CFAP61: variants seen among roughly 807,000 people sequenced by gnomAD.
The protein encoded by CFAP61 is cilia- and flagella-associated protein 61.
In CFAP61, 107 loss-of-function variants were observed where a neutral mutation model predicts 135.6. The ratio of observed to expected loss-of-function variants is 0.79; its 90% confidence interval spans 0.67 to 0.93. The LOEUF is 0.93. Among genes scored for constraint, CFAP61 ranks in the 40% least tolerant of loss-of-function variants. CFAP61 has a pLI of 0.00. For missense variants in CFAP61, 1,507 were observed against 1,556.2 expected (o/e 0.97, Z 0.53); for synonymous variants, 575 against 578.5 (o/e 0.99, Z 0.09).
At chr20:20,123,440 G>A (rs1473695476) in intron 8 of CFAP61, among the ~76,000 whole-genome samples, 3 of 151,730 alleles carry the variant, frequency 2.0e-5, no homozygotes, top group Non-Finnish European at 4.4e-5. Flanking sequence ...CAAGGTGAGA[G>A]ATGAGGATCC....
In CFAP61 at chr20:20,263,139, G is replaced by A. The variant is rs2147011656; in HGVS notation, c.2503+9G>A. ...CTCCATCACCACAGAAGGTAAGGAT[G>A]TCGGTAACTGTGCATCTCTTCAGAA... On this transcript the variant is annotated intron_variant, in intron 21 of 26. Coordinates refer to ENST00000245957, the MANE Select transcript of CFAP61 (RefSeq NM_015585.4). The A allele has an allele frequency of 6.2e-7, 1 of 1,603,928 alleles. No individual in the cohort carries two copies. The highest frequency in any genetic ancestry group is 8.5e-7 in the Non-Finnish European group (1 of 1,173,020).
chr20:20,199,114 A>G (rs2056465862), intron 16 of CFAP61, among the ~76,000 whole-genome samples: 1 of 152,260 alleles, frequency 6.6e-6, no homozygotes, highest in Non-Finnish European at 1.5e-5. Context: ...GATTTATCAT[A>G]GTTCATTTCA....
chr20:20,093,975 C>A (rs745399859), intron 7 of CFAP61, among the ~76,000 whole-genome samples: 1 of 152,082 alleles, frequency 6.6e-6, no homozygotes, highest in South Asian at 2.1e-4. Context: ...CCATGCCTGA[C>A]CTCAATCTGG....
intron 21 of CFAP61, among the ~76,000 whole-genome samples, chr20:20,264,772 G>C (rs1179608171): frequency 6.6e-6 from 1 of 152,152 alleles, no homozygotes; most frequent in East Asian, 1.9e-4. Flanking sequence ...TACACCTGTA[G>C]TCCCAGCTAC....
chr20:20,085,460 A>G (rs1407329528), intron 6 of CFAP61: 1 of 1,365,804 alleles, frequency 7.3e-7, no homozygotes, highest in Non-Finnish European at 9.8e-7. Context: ...ATTTTGGGAA[A>G]GGGCTTAAGA....
Position 20,244,839 on chromosome 20 carries a change from C to T in CFAP61, c.2061-1278C>T, listed in dbSNP as rs147124790. Among the ~76,000 whole-genome samples the T allele has an allele frequency of 7.1e-3, 1,086 of 152,366 alleles. 16 individuals carry two copies. The highest frequency in any genetic ancestry group is 0.025 in the African/African-American group (1,032 of 41,592). On this transcript the variant is annotated intron_variant, in intron 18 of 26. Coordinates refer to ENST00000245957, the MANE Select transcript of CFAP61 (RefSeq NM_015585.4). ...AACTGAATGCCTTTAACAGCACACACATCACCTCTTGAATGCTTTGCTGCT... is the reference window on the plus strand; with the variant it reads ...AACTGAATGCCTTTAACAGCACACATATCACCTCTTGAATGCTTTGCTGCT...
intron 13 of CFAP61, among the ~76,000 whole-genome samples, 189 bp from the exon 14 acceptor site, chr20:20,187,741 C>CT (rs2055615157): frequency 6.6e-6 from 1 of 152,114 alleles, no homozygotes; most frequent in Admixed American, 6.5e-5. Flanking sequence ...ATTCTTCACA[C>CT]TTTTTTGTGT....
chr20:20,289,381 G>A (rs552449698), intron 23 of CFAP61, among the ~76,000 whole-genome samples: 69 of 152,282 alleles, frequency 4.5e-4, no homozygotes, highest in African/African-American at 1.3e-3. Context: ...CAGCTGTAAA[G>A]CAGTGCACTT....
At chr20:20,246,312 G>T in intron 19 of CFAP61, 97 bp downstream of exon 19, 1 of 832,852 alleles carries the variant, frequency 1.2e-6, no homozygotes, top group Non-Finnish European at 2.0e-6. Context: ...ATTGGAAAAG[G>T]AGAAGTGGTG....
intron 25 of CFAP61, among the ~76,000 whole-genome samples, chr20:20,328,653 T>C (rs936098198): frequency 2.6e-5 from 4 of 151,778 alleles, no homozygotes; most frequent in African/African-American, 7.3e-5. Flanking sequence ...GGGGTTAATA[T>C]CCAAAATATA....
chr20:20,156,186 A>G (rs1419814355), intron 9 of CFAP61, among the ~76,000 whole-genome samples: 4 of 152,146 alleles, frequency 2.6e-5, no homozygotes, highest in African/African-American at 9.7e-5. Context: ...AAATTAGCAA[A>G]CTGAGTCAAT....
intron 25 of CFAP61, among the ~76,000 whole-genome samples, chr20:20,334,692 A>G (rs1311939552): frequency 1.3e-5 from 2 of 152,210 alleles, no homozygotes; most frequent in Non-Finnish European, 2.9e-5. Context: ...AAATCATAGC[A>G]TGTGACAATT....
chr20:20,095,224 C>G (rs1254318049), intron 7 of CFAP61, among the ~76,000 whole-genome samples: 1 of 152,186 alleles, frequency 6.6e-6, no homozygotes, highest in Non-Finnish European at 1.5e-5. Flanking sequence ...TGAGATCACA[C>G]TGTTCACTTG....
At chr20:20,180,584 T>C (rs958829364) in intron 13 of CFAP61, among the ~76,000 whole-genome samples, 2 of 152,042 alleles carry the variant, frequency 1.3e-5, no homozygotes, top group African/African-American at 2.4e-5. Flanking sequence ...AGTTCAACCA[T>C]TGTGGAAGAC....
At chr20:20,260,485 T>C (rs148001035) in intron 20 of CFAP61, among the ~76,000 whole-genome samples, 69 of 152,374 alleles carry the variant, frequency 4.5e-4, no homozygotes, top group African/African-American at 1.6e-3. Flanking sequence ...AGCTTCAGTT[T>C]TGCCTGCTTT....
At chr20:20,119,468 G>C (rs1379144235) in intron 8 of CFAP61, among the ~76,000 whole-genome samples, 1 of 151,874 alleles carries the variant, frequency 6.6e-6, no homozygotes, top group Admixed American at 6.6e-5. Context: ...ATATTTCCTT[G>C]TATGTTTCTG....
intron 14 of CFAP61, among the ~76,000 whole-genome samples, chr20:20,188,837 C>A (rs1207515387): frequency 1.3e-5 from 2 of 152,206 alleles, no homozygotes; most frequent in Non-Finnish European, 2.9e-5. Context: ...ACAGACTTAA[C>A]CACAGCCTGC....
chr20:20,303,038 C>T lies in CFAP61; in HGVS notation c.3422+4652C>T, dbSNP rs188025658. On this transcript the variant is annotated intron_variant, in intron 25 of 26. Transcript: ENST00000245957. The stretch of plus-strand genomic sequence containing the variant: ...TACTTATTTTAAATAATGAAAACTG[C>T]AAGTATTTAAAAAATGAATTCATTT... Among the ~76,000 whole-genome samples, 605 of 152,166 alleles carry T rather than the reference C, an allele frequency of 4.0e-3. 7 individuals carry two copies. Among genetic ancestry groups the T allele is most frequent in the South Asian group, 0.032 (153 of 4,820 alleles).
intron 15 of CFAP61, among the ~76,000 whole-genome samples, chr20:20,195,417 G>C (rs1429103438): frequency 6.6e-6 from 1 of 152,170 alleles, no homozygotes; most frequent in Non-Finnish European, 1.5e-5. Flanking sequence ...CCTGCATTTT[G>C]GGTGCGTTTA....
Sources: allele counts gnomAD v4.1 joint callset (sites outside exome capture counted in the v4.1 genomes callset), GRCh38; gene constraint gnomAD v4.1.1; transcripts MANE v1.5; gene names NCBI Gene and HGNC (gene_info 2026-07-23, HGNC 2026-07-21).